The following HTR2C variants were observed in gnomAD, a reference collection of about 807,000 sequenced individuals.
HTR2C encodes the protein 5-hydroxytryptamine receptor 2C.
Under a neutral mutation model 21.0 loss-of-function variants are expected in HTR2C, and 5 were observed. The observed-to-expected ratio is 0.24, with a 90% CI of 0.12 to 0.50. The LOEUF (loss-of-function observed/expected upper bound fraction) is 0.50, where lower values mean the gene tolerates loss of function less well. Ranked by LOEUF, HTR2C falls within the 20% of genes least tolerant of loss-of-function variation. The probability of loss-of-function intolerance (pLI) is 0.98; values close to 1 mark genes in which losing one functional copy is unlikely to be tolerated. For missense variants in HTR2C, 271 were observed against 371.2 expected (o/e 0.73, Z 2.22); for synonymous variants, 150 against 145.3 (o/e 1.03, Z -0.23).
At chrX:114,816,259 A>AGAT (rs1260307891) in intron 4 of HTR2C, among the ~76,000 whole-genome samples, 7 of 71,740 alleles carry the variant, frequency 9.8e-5, no homozygotes, top group East Asian at 5.1e-4. Flanking sequence ...ATAGGTAGAT[A>AGAT]GATAGATGAT....
At chrX:114,741,147 C>T (rs782784926) in intron 4 of HTR2C, among the ~76,000 whole-genome samples, 2 of 110,493 alleles carry the variant, frequency 1.8e-5, no homozygotes, top group Non-Finnish European at 3.8e-5. Flanking sequence ...GTGTCACATG[C>T]GTAGCAATGA....
At chrX:114,861,534 A>G (rs1199511444) in intron 5 of HTR2C, among the ~76,000 whole-genome samples, 1 of 111,560 alleles carries the variant, frequency 9.0e-6, no homozygotes, top group African/African-American at 3.2e-5. Context: ...TCTATTTCTA[A>G]TATTTCTAAA....
At chrX:114,840,832 A>T in intron 4 of HTR2C, among the ~76,000 whole-genome samples, 1 of 111,865 alleles carries the variant, frequency 8.9e-6, no homozygotes, top group Non-Finnish European at 1.9e-5. Context: ...ATAGACATCT[A>T]AGAACTTGTT....
At chrX:114,660,342 G>C (rs932577937) in intron 2 of HTR2C, among the ~76,000 whole-genome samples, 2 of 111,817 alleles carry the variant, frequency 1.8e-5, no homozygotes, top group Non-Finnish European at 3.8e-5. Context: ...TCATTATTAG[G>C]AGAAACAAGA....
At chrX:114,691,727 T>C (rs1259674711) in intron 2 of HTR2C, among the ~76,000 whole-genome samples, 2 of 111,719 alleles carry the variant, frequency 1.8e-5, no homozygotes, top group Non-Finnish European at 3.8e-5. Context: ...TCAATTATAT[T>C]TGGTGTCTTT....
At chrX:114,620,452 C>T (rs1248999478) in intron 2 of HTR2C, among the ~76,000 whole-genome samples, 1 of 111,380 alleles carries the variant, frequency 9.0e-6, no homozygotes, top group African/African-American at 3.3e-5. Context: ...AAGATTATTG[C>T]CAATACGGCT....
chrX:114,723,895 C>T (rs1258877155), intron 2 of HTR2C, among the ~76,000 whole-genome samples: 9 of 98,558 alleles, frequency 9.1e-5, no homozygotes, highest in African/African-American at 1.4e-4. Context: ...TTGTTATAAT[C>T]TCTGTTCTTT....
intron 2 of HTR2C, among the ~76,000 whole-genome samples, chrX:114,700,369 T>C (rs1426704491): frequency 2.7e-5 from 3 of 112,075 alleles, no homozygotes; most frequent in Non-Finnish European, 3.8e-5. Flanking sequence ...TGTTATTTTA[T>C]TGAATAATAA....
chrX:114,898,806 A>G (rs975478175), intron 5 of HTR2C, among the ~76,000 whole-genome samples: 1 of 111,607 alleles, frequency 9.0e-6, no homozygotes, highest in African/African-American at 3.3e-5. Flanking sequence ...GCCGAATAGT[A>G]TAGTTTGAAG....
intron 5 of HTR2C, among the ~76,000 whole-genome samples, chrX:114,856,509 G>T (rs1021998498): frequency 2.0e-5 from 2 of 102,510 alleles, no homozygotes; most frequent in African/African-American, 7.1e-5. Context: ...AGCCCGCATC[G>T]CCAAGTCAAT....
At chrX:114,801,482 T>C (rs2147426968) in intron 4 of HTR2C, among the ~76,000 whole-genome samples, 1 of 111,273 alleles carries the variant, frequency 9.0e-6, no homozygotes, top group East Asian at 2.8e-4. Flanking sequence ...ATAGATTTTT[T>C]TAATTTTGTG....
chrX:114,876,801 G>A (rs1556478360), intron 5 of HTR2C, among the ~76,000 whole-genome samples: 1 of 110,686 alleles, frequency 9.0e-6, no homozygotes, highest in East Asian at 2.9e-4. Flanking sequence ...TGGTCATGGT[G>A]TATGATACTT....
At chrX:114,595,286 T>C (rs1352233086) in intron 1 of HTR2C, among the ~76,000 whole-genome samples, 3 of 110,996 alleles carry the variant, frequency 2.7e-5, no homozygotes, top group Non-Finnish European at 5.7e-5. Context: ...CATGCGATCA[T>C]AGCTCACTGC....
intron 2 of HTR2C, among the ~76,000 whole-genome samples, chrX:114,641,126 T>TGTA (rs1556406397): frequency 9.3e-6 from 1 of 107,343 alleles, no homozygotes; most frequent in Non-Finnish European, 1.9e-5. Context: ...CAGGCTGAAG[T>TGTA]GTAGTAGCAC....
At chrX:114,626,895 G>C (rs986125040) in intron 2 of HTR2C, among the ~76,000 whole-genome samples, 1 of 111,930 alleles carries the variant, frequency 8.9e-6, no homozygotes, top group Admixed American at 9.5e-5. Flanking sequence ...CCTCTATAAA[G>C]CCTTAAGTGG....
intron 5 of HTR2C, among the ~76,000 whole-genome samples, chrX:114,885,919 T>A: frequency 9.0e-6 from 1 of 111,691 alleles, no homozygotes; most frequent in Non-Finnish European, 1.9e-5. Flanking sequence ...GTCGATTGTT[T>A]GACTACTTGT....
At chrX:114,689,839 G>A (rs1556414875) in intron 2 of HTR2C, among the ~76,000 whole-genome samples, 1 of 111,568 alleles carries the variant, frequency 9.0e-6, no homozygotes, top group East Asian at 2.8e-4. Context: ...ACTATAATAT[G>A]GTAGATTAAA....
At chrX:114,835,200 C>T (rs1188701271) in intron 4 of HTR2C, among the ~76,000 whole-genome samples, 10 of 96,286 alleles carry the variant, frequency 1.0e-4, no homozygotes, top group African/African-American at 2.6e-4. Context: ...TTGCTCTTCT[C>T]GAGGAGTATC....
chrX:114,707,999 G>A (rs1260205017), intron 2 of HTR2C, among the ~76,000 whole-genome samples: 3 of 110,692 alleles, frequency 2.7e-5, no homozygotes, highest in Non-Finnish European at 5.7e-5. Flanking sequence ...CTTTAATGAA[G>A]CCAAAGTAAA....
Sources: gnomAD v4.1 joint callset for allele counts (sites outside exome capture counted in the v4.1 genomes callset) on GRCh38, gnomAD v4.1.1 for gene constraint, MANE v1.5 for transcripts, NCBI Gene and HGNC (gene_info 2026-07-23, HGNC 2026-07-21) for gene names.